RNF214: variants seen among roughly 807,000 people sequenced by gnomAD.
RNF214 encodes ring finger protein 214.
RNF214 carries 25 observed loss-of-function variants against 75.9 expected under a neutral mutation model. That is an observed-to-expected ratio of 0.33 (90% CI 0.24 to 0.46). The LOEUF is 0.46. RNF214 is among the 20% of genes least tolerant of loss of function. RNF214 has a pLI of 1.00. For synonymous variants in RNF214, 314 were observed against 308.8 expected (o/e 1.02, Z -0.18); for missense variants, 725 against 857.5 (o/e 0.85, Z 1.93).
intron 6 of RNF214, 43 bp downstream of exon 6, chr11:117,246,991 T>C (rs2033242162): frequency 4.8e-6 from 7 of 1,460,770 alleles, no homozygotes; most frequent in African/African-American, 1.4e-5. Flanking sequence ...TATGTATATA[T>C]GCATGAGGGG....
intron 6 of RNF214, among the ~76,000 whole-genome samples, chr11:117,258,501 TATATAC>T (rs1439786632): frequency 6.6e-6 from 1 of 152,186 alleles, no homozygotes; most frequent in East Asian, 1.9e-4. Flanking sequence ...CCCCTGAACA[TATATAC>T]ATGTACATAA....
chr11:117,248,374 C>A (rs2033285610), intron 6 of RNF214, among the ~76,000 whole-genome samples: 1 of 152,180 alleles, frequency 6.6e-6, no homozygotes, highest in South Asian at 2.1e-4. Context: ...CCGCGCCCAG[C>A]CAATTTTCTA....
chr11:117,282,858 T>A lies in RNF214; in HGVS notation c.1950+8T>A. ...CCTGGAAGGTCTTCACATGTAAGAC[T>A]CTTTTTCTTTGAACACTGTGATATG... On this transcript the variant is annotated splice_region_variant and intron_variant, in intron 13 of 14. Coordinates refer to ENST00000300650, the MANE Select transcript of RNF214 (RefSeq NM_207343.4). 6.3e-7 allele frequency: 1 copy of A among 1,594,960 alleles called. No individual in the cohort carries two copies. Among genetic ancestry groups the A allele is most frequent in the East Asian group, 2.2e-5 (1 of 44,790 alleles).
intron 2 of RNF214, among the ~76,000 whole-genome samples, chr11:117,235,431 C>T (rs922560476): frequency 5.3e-5 from 8 of 150,298 alleles, no homozygotes; most frequent in Non-Finnish European, 7.4e-5. Context: ...CTCCTGACCT[C>T]GTGATCCGCC....
At chr11:117,278,141 A>G (rs1444155131) in intron 6 of RNF214, among the ~76,000 whole-genome samples, 2 of 151,790 alleles carry the variant, frequency 1.3e-5, no homozygotes, top group African/African-American at 4.8e-5. Context: ...TGTCTCTACT[A>G]AAAATACAAA....
intron 6 of RNF214, among the ~76,000 whole-genome samples, chr11:117,265,986 G>C (rs998018182): frequency 4.6e-5 from 7 of 152,136 alleles, no homozygotes; most frequent in Admixed American, 4.6e-4. Flanking sequence ...TTTGTATCTG[G>C]CTTCTTTTAC....
rs76995993 is a variant in RNF214, at chr11:117,272,323, G to A, written c.960-7585G>A. ...TTCCGTGTGTTAATATGGTTTAAGG[G>A]GTGGCTTTGCTGCCAGAAAACCAAA... is the stretch of plus-strand genomic sequence containing the variant. On this transcript the variant is annotated intron_variant, in intron 6 of 14. Transcript: ENST00000300650. Among the ~76,000 whole-genome samples, 1,522 of 152,220 alleles carry A rather than the reference G, an allele frequency of 1.0e-2. 22 individuals carry two copies. The highest frequency in any genetic ancestry group is 0.033 in the African/African-American group (1,367 of 41,508).
At chr11:117,260,692 C>G (rs75069969) in intron 6 of RNF214, among the ~76,000 whole-genome samples, 136 of 107,412 alleles carry the variant, frequency 1.3e-3, no homozygotes, top group Non-Finnish European at 2.1e-3. Context: ...ACTCTTGTTG[C>G]CCAGGCTGGA....
At chr11:117,266,453 A>G (rs1167355916) in intron 6 of RNF214, among the ~76,000 whole-genome samples, 1 of 151,792 alleles carries the variant, frequency 6.6e-6, no homozygotes, top group Non-Finnish European at 1.5e-5. Context: ...TCTGCCTTCC[A>G]GGCTTAAGCG....
chr11:117,283,337 T>G (rs992408330), intron 14 of RNF214, 127 bp downstream of exon 14: 11 of 663,878 alleles, frequency 1.7e-5, no homozygotes, highest in Non-Finnish European at 2.7e-5. Context: ...ACTGTGTTGG[T>G]GCTCATCATT....
chr11:117,258,831 G>A (rs1199441771), intron 6 of RNF214, among the ~76,000 whole-genome samples: 2 of 152,162 alleles, frequency 1.3e-5, no homozygotes, highest in Non-Finnish European at 2.9e-5. Context: ...AGTTCTGCAT[G>A]TTCCAGTGCT....
chr11:117,258,883 A>G (rs887069751), intron 6 of RNF214, among the ~76,000 whole-genome samples: 8 of 152,294 alleles, frequency 5.3e-5, no homozygotes, highest in African/African-American at 1.7e-4. Context: ...ACTCTTTTGT[A>G]TCAGAATTAT....
intron 6 of RNF214, among the ~76,000 whole-genome samples, chr11:117,254,887 A>G (rs1471975135): frequency 6.6e-6 from 1 of 152,054 alleles, no homozygotes; most frequent in East Asian, 1.9e-4. Context: ...CGGCCTCCCA[A>G]AGTGCTCAGA....
At chr11:117,235,018 C>G (rs1316480958) in intron 2 of RNF214, among the ~76,000 whole-genome samples, 1 of 152,184 alleles carries the variant, frequency 6.6e-6, no homozygotes, top group Non-Finnish European at 1.5e-5. Flanking sequence ...ATAACCTATG[C>G]ATGTCCTCCC....
rs1024803219 is a variant in RNF214 at position 117,234,172 on chromosome 11, G to A, written c.-6-95G>A. On this transcript the variant is annotated intron_variant, in intron 1 of 14. Coordinates refer to ENST00000300650, the MANE Select transcript of RNF214 (RefSeq NM_207343.4). ...CCAGGTTTTTGTGTTTCTTTACTGCGACAGCTCTGTTGTGTGGACATTCTG... is the reference window on the plus strand; with the variant it reads ...CCAGGTTTTTGTGTTTCTTTACTGCAACAGCTCTGTTGTGTGGACATTCTG... 1.2e-5 allele frequency: 10 copies of A among 864,422 alleles called. No homozygotes were observed. The Admixed American group carries it at 1.3e-4, about 11-fold the overall frequency. The allele number at this position is 864,422 out of a possible 1,614,324, so 53.5% of individuals were successfully genotyped here. A position where few individuals can be genotyped will look rare whatever the true frequency, so the allele number is the denominator to read the frequency against.
chr11:117,286,444 G>C lies in RNF214; in HGVS notation c.*1293G>C, dbSNP rs1263623382. 3 of 152,176 alleles carry C rather than the reference G, an allele frequency of 2.0e-5. No individual in the cohort carries two copies. Among genetic ancestry groups the C allele is most frequent in the Non-Finnish European group, 4.4e-5 (3 of 68,006 alleles). The allele number at this position is 152,176 out of a possible 1,614,324, so 9.4% of individuals were successfully genotyped here. On this transcript the variant is annotated 3_prime_UTR_variant, in exon 15 of 15. Coordinates refer to ENST00000300650, the MANE Select transcript of RNF214 (RefSeq NM_207343.4). The stretch of plus-strand genomic sequence containing the variant: ...TCCCTTCTCTTTTAGAATTAAACAA[G>C]TAAAAACTAAGAGTTAACTTTTTAA...
chr11:117,245,851 TTGTG>T (rs2033212043), intron 5 of RNF214, among the ~76,000 whole-genome samples: 1 of 152,198 alleles, frequency 6.6e-6, no homozygotes, highest in Non-Finnish European at 1.5e-5. Flanking sequence ...ATACATGTCT[TTGTG>T]TGAGCATAGA....
chr11:117,280,253 A>G lies in RNF214; in HGVS notation c.1139A>G (p.Tyr380Cys), dbSNP rs185813913. ...AEKEAELHLT[Y>C]LKSTPPTLET... ...AAAGAGGCAGAATTGCACCTTACTT[A>G]CCTCAAGTAAGTACCTTTCCGTTCT... The change falls in exon 8 of 15, where the codon TAC becomes TGC. Residue 380 changes from tyrosine (Y) to cysteine (C), a missense_variant. Transcript: ENST00000300650. 1 of 1,597,440 alleles carries G rather than the reference A, an allele frequency of 6.3e-7. No homozygotes were observed. Among genetic ancestry groups the G allele is most frequent in the African/African-American group, 1.3e-5 (1 of 74,714 alleles).
rs1050882727 is a variant in RNF214, at chr11:117,280,099, G to C, written c.1057-72G>C. 24 of 1,498,526 alleles carry C rather than the reference G, an allele frequency of 1.6e-5. 1 individual carries two copies. In the Admixed American group the frequency reaches 1.9e-4, roughly 12 times the overall value. The allele number at this position is 1,498,526 out of a possible 1,614,324, so 92.8% of individuals were successfully genotyped here. On this transcript the variant is annotated intron_variant, in intron 7 of 14. Transcript: ENST00000300650. ...GTAATAGGAGAGCCAGTAAGCATTT[G>C]TTTTCACTACCTAGAGGTACCTTTG...
Sources: allele counts gnomAD v4.1 joint callset (sites outside exome capture counted in the v4.1 genomes callset), GRCh38; gene constraint gnomAD v4.1.1; transcripts MANE v1.5; gene names NCBI Gene and HGNC (gene_info 2026-07-23, HGNC 2026-07-21).